ANKRD31: variants seen among roughly 807,000 people sequenced by gnomAD.
The protein encoded by ANKRD31 is ankyrin repeat domain 31.
A neutral mutation model predicts 186.0 loss-of-function variants in ANKRD31; 147 were observed. The ratio of observed to expected loss-of-function variants is 0.79; its 90% CI spans 0.69 to 0.91. The LOEUF (loss-of-function observed/expected upper bound fraction) is 0.91, where lower values mean the gene tolerates loss of function less well. ANKRD31 is among the 40% of genes least tolerant of loss of function. The pLI is 0.00. For synonymous variants in ANKRD31, 673 were observed against 736.4 expected (o/e 0.91, Z 1.39); for missense variants, 1,986 against 2,148.8 (o/e 0.92, Z 1.50).
At chr5:75,097,706 G>C (rs957602768) in intron 22 of ANKRD31, among the ~76,000 whole-genome samples, 9 of 152,146 alleles carry the variant, frequency 5.9e-5, no homozygotes, top group Non-Finnish European at 1.3e-4. Flanking sequence ...CATTGCTTTT[G>C]GTGTTTTAGT....
chr5:75,109,035 T>C (rs1747557897), intron 20 of ANKRD31, among the ~76,000 whole-genome samples: 1 of 152,180 alleles, frequency 6.6e-6, no homozygotes, highest in Non-Finnish European at 1.5e-5. Flanking sequence ...CAATGGTATA[T>C]TAAAGAGAAT....
chr5:75,103,251 C>G (rs73127381), intron 22 of ANKRD31, among the ~76,000 whole-genome samples: 7,436 of 152,176 alleles, frequency 0.049, 390 homozygotes, highest in African/African-American at 0.13. Flanking sequence ...TGAAAAAAAG[C>G]TCAACATCAC....
At chr5:75,209,380 C>G (rs1227618691) in intron 4 of ANKRD31, among the ~76,000 whole-genome samples, 1 of 152,094 alleles carries the variant, frequency 6.6e-6, no homozygotes, top group Non-Finnish European at 1.5e-5. Context: ...GTGTTTTACT[C>G]AAGATAAACA....
At position 75,102,176 on chromosome 5, in the gene ANKRD31, T is replaced by C. The variant is rs537145540; in HGVS notation, c.5331+2052A>G. Among the ~76,000 whole-genome samples, 15 of 152,336 alleles carry C rather than the reference T, an allele frequency of 9.8e-5. No individual in the cohort carries two copies. The East Asian group carries it at 2.9e-3, about 29-fold the overall frequency. ...GTCAGGACCCTCAGCTGCAGGTCTG[T>C]TGGGAGTTTGCTGCAGGTCCACTCC... On this transcript the variant is annotated intron_variant, in intron 22 of 25. Transcript: ENST00000506364.
chr5:75,118,842 ATCTC>A (rs1022269967), intron 17 of ANKRD31, among the ~76,000 whole-genome samples: 18 of 152,156 alleles, frequency 1.2e-4, no homozygotes, highest in Non-Finnish European at 2.4e-4. Context: ...GATTTAATTT[ATCTC>A]TCTAACACAG....
intron 22 of ANKRD31, among the ~76,000 whole-genome samples, chr5:75,093,247 G>A (rs548380285): frequency 1.6e-4 from 24 of 152,296 alleles, no homozygotes; most frequent in African/African-American, 5.1e-4. Flanking sequence ...TAGGGAGGCT[G>A]AGACAGGCAG....
At chr5:75,131,220 G>C (rs1749783527) in intron 17 of ANKRD31, among the ~76,000 whole-genome samples, 1 of 152,212 alleles carries the variant, frequency 6.6e-6, no homozygotes, top group African/African-American at 2.4e-5. Flanking sequence ...CCCAGAAAGG[G>C]GCCCCCACAG....
chr5:75,211,090 A>G (rs144284789), intron 3 of ANKRD31, among the ~76,000 whole-genome samples: 22 of 152,270 alleles, frequency 1.4e-4, no homozygotes, highest in Admixed American at 2.0e-4. Flanking sequence ...CAAGACCATC[A>G]TGAACTTCCA....
At chr5:75,116,086 A>T (rs1490243422) in intron 19 of ANKRD31, among the ~76,000 whole-genome samples, 2 of 151,712 alleles carry the variant, frequency 1.3e-5, no homozygotes, top group Admixed American at 1.3e-4. Context: ...GCCATAAAAA[A>T]GGATGAGTTC....
intron 25 of ANKRD31, among the ~76,000 whole-genome samples, chr5:75,071,913 C>T (rs951310976): frequency 6.6e-6 from 1 of 152,148 alleles, no homozygotes; most frequent in Non-Finnish European, 1.5e-5. Context: ...AGCAGGGAGG[C>T]CTCTAGCTAA....
chr5:75,222,100 A>C (rs1397970641), intron 3 of ANKRD31, 149 bp downstream of exon 3: 1 of 535,466 alleles, frequency 1.9e-6, no homozygotes, highest in Non-Finnish European at 3.2e-6. Context: ...AAGAAATAGA[A>C]TGACTAGTTA....
chr5:75,069,304 A>G (rs1204256094), intron 25 of ANKRD31, among the ~76,000 whole-genome samples: 2 of 151,972 alleles, frequency 1.3e-5, no homozygotes, highest in Non-Finnish European at 2.9e-5. Context: ...GAGATTGGCT[A>G]TATGAGCTGT....
At chr5:75,114,921 T>C (rs1243481195) in intron 19 of ANKRD31, among the ~76,000 whole-genome samples, 1 of 152,136 alleles carries the variant, frequency 6.6e-6, no homozygotes, top group Non-Finnish European at 1.5e-5. Flanking sequence ...AAAGTTCATA[T>C]GGAACCAAAA....
At chr5:75,115,893 G>T (rs1263812671) in intron 19 of ANKRD31, among the ~76,000 whole-genome samples, 3 of 152,030 alleles carry the variant, frequency 2.0e-5, no homozygotes, top group African/African-American at 7.2e-5. Flanking sequence ...ATTTGACCCA[G>T]CAATCCCATT....
chr5:75,075,031 T>C (rs1036440333), intron 25 of ANKRD31, among the ~76,000 whole-genome samples: 2 of 152,218 alleles, frequency 1.3e-5, no homozygotes, highest in Non-Finnish European at 2.9e-5. Context: ...TCACAACATA[T>C]ATGCAGTTTA....
intron 10 of ANKRD31, among the ~76,000 whole-genome samples, chr5:75,182,916 G>A (rs1211511724): frequency 1.3e-5 from 2 of 152,110 alleles, no homozygotes; most frequent in Non-Finnish European, 2.9e-5. Context: ...AGATACAAGT[G>A]TGAGTGATCC....
chr5:75,170,448 G>C (rs1355393171), intron 10 of ANKRD31, among the ~76,000 whole-genome samples: 1 of 152,114 alleles, frequency 6.6e-6, no homozygotes, highest in Non-Finnish European at 1.5e-5. Context: ...AGGTAAGACT[G>C]TCTGAATGAA....
At chr5:75,103,983 C>T (rs1050317432) in intron 22 of ANKRD31, among the ~76,000 whole-genome samples, 4 of 152,112 alleles carry the variant, frequency 2.6e-5, no homozygotes, top group African/African-American at 9.7e-5. Context: ...CTTGCACATC[C>T]TGCACATGTA....
intron 23 of ANKRD31, among the ~76,000 whole-genome samples, chr5:75,087,948 A>C (rs749927350): frequency 6.6e-5 from 10 of 152,174 alleles, no homozygotes; most frequent in Admixed American, 2.6e-4. Context: ...CGCAAGAGAA[A>C]GCCCTTCACA....
Sources: gnomAD v4.1 joint callset for allele counts (sites outside exome capture counted in the v4.1 genomes callset) on GRCh38, gnomAD v4.1.1 for gene constraint, MANE v1.5 for transcripts, NCBI Gene and HGNC (gene_info 2026-07-23, HGNC 2026-07-21) for gene names.